ACYP2: variants seen among roughly 807,000 people sequenced by gnomAD.
The protein encoded by ACYP2 is acylphosphatase 2.
In ACYP2, 12 loss-of-function variants were observed where a neutral mutation model predicts 11.2. That is an observed-to-expected ratio of 1.08 (90% CI 0.69 to 1.74). ACYP2 has a LOEUF of 1.74. Among genes scored for constraint, ACYP2 ranks in the 40% most tolerant of loss-of-function variants. The pLI, the probability that ACYP2 is intolerant of heterozygous loss-of-function variation, is 0.00. For synonymous variants in ACYP2, 43 were observed against 32.2 expected (o/e 1.33, Z -1.13); for missense variants, 134 against 101.9 (o/e 1.31, Z -1.35).
chr2:53,995,989 C>T (rs931927347), intron 2 of ACYP2, among the ~76,000 whole-genome samples: 1 of 151,936 alleles, frequency 6.6e-6, no homozygotes, highest in African/African-American at 2.4e-5. Context: ...AAAAAATTAG[C>T]TGGGCTTGGT....
At chr2:53,986,616 C>T (rs2104514746) in intron 2 of ACYP2, among the ~76,000 whole-genome samples, 1 of 149,732 alleles carries the variant, frequency 6.7e-6, no homozygotes, top group East Asian at 2.0e-4. Flanking sequence ...AGGCGTGAGC[C>T]ACCAAACCCG....
At chr2:54,143,758 G>GC (rs386417903) in intron 6 of ACYP2, among the ~76,000 whole-genome samples, 8,533 of 75,044 alleles carry the variant, frequency 0.11, 671 homozygotes, top group East Asian at 0.43. Flanking sequence ...TTTTTTTTTT[G>GC]GGGGGGGGGT....
At chr2:54,125,566 A>C (rs1680441314) in intron 4 of ACYP2, among the ~76,000 whole-genome samples, 1 of 151,504 alleles carries the variant, frequency 6.6e-6, no homozygotes, top group South Asian at 2.1e-4. Context: ...CCTGGCCAAC[A>C]TGGTGAAACC....
rs371621575 is a variant in ACYP2, at chr2:54,276,021, C to T, written c.405-28667C>T. Among the ~76,000 whole-genome samples the T allele has an allele frequency of 2.0e-4, 30 of 152,118 alleles. No individual in the cohort carries two copies. The South Asian group carries it at 6.2e-3, about 32-fold the overall frequency. ...AAAGTTGAAACTAGAACTTAAATAG[C>T]TTACATGTTTATCCTTTCTATCCTT... On this transcript the variant is annotated intron_variant, in intron 6 of 6. Transcript: ENST00000607452.
At position 54,205,357 on chromosome 2, in the gene ACYP2, C is replaced by T. The variant is rs533274176; in HGVS notation, c.404+66609C>T. The stretch of plus-strand genomic sequence containing the variant: ...GCCCGGAGAGAAGCAGATAGACCAT[C>T]TGCAAGGAAGAGAAGGCTTGGTTTC... On this transcript the variant is annotated intron_variant, in intron 6 of 6. Coordinates refer to ENST00000607452, the MANE Select transcript of ACYP2 (RefSeq NM_001320586.2). 6.4e-4 allele frequency among the ~76,000 whole-genome samples: 97 copies of T among 152,326 alleles called. 2 individuals are homozygous for T. The South Asian group carries it at 0.019, about 29-fold the overall frequency.
At chr2:54,028,241 A>G (rs1674399812) in intron 2 of ACYP2, among the ~76,000 whole-genome samples, 1 of 152,116 alleles carries the variant, frequency 6.6e-6, no homozygotes, top group Admixed American at 6.6e-5. Context: ...TACTCATCAG[A>G]TATTTTGTAG....
At chr2:54,284,330 C>T (rs1688985749) in intron 6 of ACYP2, among the ~76,000 whole-genome samples, 1 of 152,222 alleles carries the variant, frequency 6.6e-6, no homozygotes, top group Non-Finnish European at 1.5e-5. Context: ...CCTCAACATA[C>T]AGCCCCAGGC....
At position 54,113,240 on chromosome 2, in the gene ACYP2, C is replaced by CTT. The variant is rs60452262; in HGVS notation, c.278-22198_278-22197dup. 1.3e-3 allele frequency among the ~76,000 whole-genome samples: 176 copies of CTT among 140,064 alleles called. 1 individual carries two copies. Among genetic ancestry groups the CTT allele is most frequent in the African/African-American group, 4.3e-3 (162 of 37,730 alleles). 91.9% of individuals were successfully genotyped at this position (140,064 alleles called of 152,430 possible). On this transcript the variant is annotated intron_variant, in intron 4 of 6. Coordinates refer to ENST00000607452, the MANE Select transcript of ACYP2 (RefSeq NM_001320586.2). ...GTCTGCATGAGTTCAGTAGAGATGA[C>CTT]TTTTTTTTTTTTTTTTGGAGACAGG...
At chr2:54,095,587 A>C (rs1393230714) in intron 4 of ACYP2, among the ~76,000 whole-genome samples, 2 of 144,788 alleles carry the variant, frequency 1.4e-5, no homozygotes, top group African/African-American at 5.2e-5. Context: ...TCCCTCCCGG[A>C]CGGGGCGGCT....
chr2:54,172,179 C>G lies in ACYP2; in HGVS notation c.404+33431C>G, dbSNP rs1412577429. Among the ~76,000 whole-genome samples, 4 of 152,108 alleles carry G rather than the reference C, an allele frequency of 2.6e-5. No individual in the cohort carries two copies. In the East Asian group the frequency reaches 7.7e-4, roughly 29 times the overall value. ...GCTGCAGTGAGCTATAATTGTGCCA[C>G]TGCACTTCAACCTGGGTAACAGAGC... On this transcript the variant is annotated intron_variant, in intron 6 of 6. Transcript: ENST00000607452.
chr2:54,194,926 T>C (rs1325043696), intron 6 of ACYP2, among the ~76,000 whole-genome samples: 1 of 152,142 alleles, frequency 6.6e-6, no homozygotes, highest in Non-Finnish European at 1.5e-5. Context: ...TAGAAGCTAT[T>C]TTAGGATGTT....
intron 2 of ACYP2, among the ~76,000 whole-genome samples, chr2:54,018,556 T>C (rs1475802504): frequency 6.6e-6 from 1 of 151,958 alleles, no homozygotes; most frequent in Non-Finnish European, 1.5e-5. Context: ...CTCATGCTTG[T>C]AATCCCAGCA....
chr2:54,188,877 C>A (rs1257707948), intron 6 of ACYP2, among the ~76,000 whole-genome samples: 1 of 152,180 alleles, frequency 6.6e-6, no homozygotes, highest in African/African-American at 2.4e-5. Flanking sequence ...ATACCTGACG[C>A]TCTGCTTTCT....
chr2:54,035,867 C>G (rs1171873737), intron 2 of ACYP2, among the ~76,000 whole-genome samples: 1 of 152,122 alleles, frequency 6.6e-6, no homozygotes, highest in African/African-American at 2.4e-5. Flanking sequence ...TGAGAATAAA[C>G]TGTAGGATCA....
intron 2 of ACYP2, among the ~76,000 whole-genome samples, chr2:54,030,369 G>T (rs1328584333): frequency 6.6e-6 from 1 of 152,162 alleles, no homozygotes; most frequent in Admixed American, 6.5e-5. Context: ...TTTGCTCCAG[G>T]TTAGGGAGAA....
intron 6 of ACYP2, among the ~76,000 whole-genome samples, chr2:54,263,407 C>G (rs1394872886): frequency 6.6e-6 from 1 of 152,190 alleles, no homozygotes; most frequent in African/African-American, 2.4e-5. Flanking sequence ...GATTACATTT[C>G]AACATGAGAT....
At chr2:54,186,656 G>C (rs894608266) in intron 6 of ACYP2, among the ~76,000 whole-genome samples, 3 of 151,970 alleles carry the variant, frequency 2.0e-5, no homozygotes, top group Non-Finnish European at 4.4e-5. Context: ...TGGGATTACA[G>C]GTGCCCGTCA....
intron 6 of ACYP2, among the ~76,000 whole-genome samples, chr2:54,249,324 T>A (rs996872630): frequency 2.0e-5 from 3 of 151,188 alleles, no homozygotes; most frequent in Non-Finnish European, 2.9e-5. Context: ...TAATTTGGAA[T>A]AAGGGCGATT....
chr2:54,070,865 T>C (rs912358396), intron 4 of ACYP2, among the ~76,000 whole-genome samples: 1 of 151,900 alleles, frequency 6.6e-6, no homozygotes, highest in African/African-American at 2.4e-5. Flanking sequence ...GCCTGCCTGG[T>C]AGCTCTATAG....
Sources: allele counts gnomAD v4.1 joint callset (sites outside exome capture counted in the v4.1 genomes callset), GRCh38; gene constraint gnomAD v4.1.1; transcripts MANE v1.5; gene names NCBI Gene and HGNC (gene_info 2026-07-23, HGNC 2026-07-21).